Variants in ASB10 observed in about 807,000 individuals in gnomAD.
The protein encoded by ASB10 is ankyrin repeat and SOCS box containing 10.
A neutral mutation model predicts 35.4 loss-of-function variants in ASB10; 44 were observed. That is an observed-to-expected ratio of 1.24 (90% CI 0.98 to 1.60). The LOEUF (loss-of-function observed/expected upper bound fraction) is 1.60, where lower values mean the gene tolerates loss of function less well. ASB10 is among the 40% of genes most tolerant of loss of function. The pLI, the probability that ASB10 is intolerant of heterozygous loss-of-function variation, is 0.00. For synonymous variants in ASB10, 294 were observed against 280.4 expected (o/e 1.05, Z -0.49); for missense variants, 647 against 634.3 (o/e 1.02, Z -0.22).
chr7:151,179,669 G>A (rs1801451168), intron 3 of ASB10, among the ~76,000 whole-genome samples: 1 of 152,222 alleles, frequency 6.6e-6, no homozygotes, highest in South Asian at 2.1e-4. Flanking sequence ...CAGGGCTGCA[G>A]ATCATGGAAA....
intron 2 of ASB10, among the ~76,000 whole-genome samples, chr7:151,185,082 C>G (rs1458285008): frequency 6.6e-6 from 1 of 151,366 alleles, no homozygotes; most frequent in Non-Finnish European, 1.5e-5. Context: ...TATTTTACCA[C>G]CATTTTGAAA....
At chr7:151,187,637 G>T, upstream of ASB10, 1 of 1,537,240 alleles carries the variant, frequency 6.5e-7, no homozygotes, top group African/African-American at 1.4e-5. The surrounding 1 kb of genome is among the most constrained non-coding windows in gnomAD (Gnocchi z 5.3). Context: ...GCGGGAGTGG[G>T]GCCTCCAGAT....
chr7:151,181,136 G>T lies in ASB10; in HGVS notation c.907C>A (p.Arg303Ser). 6.2e-7 allele frequency: 1 copy of T among 1,611,446 alleles called. No homozygotes were observed. The highest frequency in any genetic ancestry group is 1.7e-5 in the Admixed American group (1 of 59,974). Residue 303 changes from arginine to serine, a missense_variant, in exon 3 of 6, where the codon CGC becomes AGC. Arg to Ser is a moderately radical substitution (Grantham distance 110). Transcript: ENST00000420175. ...DKQRPLHLAC[R>S]RGHAAVVELL... ...TCCACGACAGCTGCATGGCCACGGC[G>T]GCAGGCCAGGTGCAGGGGTCGCTGC...
chr7:151,187,086 C>G lies in ASB10; in HGVS notation c.45G>C (p.Glu15Asp), dbSNP rs762597109. Residue 15 changes from glutamate to aspartate, a missense_variant, in exon 1 of 6, where the codon GAG becomes GAC. Glu to Asp is a conservative substitution (Grantham distance 45). Transcript: ENST00000420175. This position sits in a 1 kb window ranked among gnomAD's most constrained non-coding sequence, Gnocchi z 5.3. Reference protein sequence around the residue: ...WSPEECKGQGEPLDDRHPLCA... With the variant: ...WSPEECKGQGDPLDDRHPLCA... ...AGAGGGGGTGTCTGTCATCGAGGGG[C>G]TCTCCCTGCCCCTTGCACTCTTCTG... 1.9e-6 allele frequency: 3 copies of G among 1,604,118 alleles called. No individual in the cohort carries two copies. In the South Asian group the frequency reaches 3.4e-5, roughly 18 times the overall value.
At chr7:151,183,083 G>A (rs902123033) in intron 2 of ASB10, among the ~76,000 whole-genome samples, 4 of 152,192 alleles carry the variant, frequency 2.6e-5, no homozygotes, top group African/African-American at 7.2e-5. Context: ...TGTGGCTATC[G>A]AGTTCTTGAA....
chr7:151,184,583 C>T (rs1255725577), intron 2 of ASB10, among the ~76,000 whole-genome samples: 2 of 151,994 alleles, frequency 1.3e-5, no homozygotes, highest in East Asian at 3.9e-4. Flanking sequence ...TTGCCAGGGG[C>T]TTGGGAGACA....
At chr7:151,178,129 A>C (rs1237528333) in intron 3 of ASB10, among the ~76,000 whole-genome samples, 1 of 152,202 alleles carries the variant, frequency 6.6e-6, no homozygotes, top group Non-Finnish European at 1.5e-5. Context: ...TGCACCTTTA[A>C]TCCCAGCTAT....
upstream of ASB10, chr7:151,187,343 G>T (rs948587586): frequency 2.6e-6 from 4 of 1,527,516 alleles, no homozygotes; most frequent in Non-Finnish European, 3.5e-6. The surrounding 1 kb of genome is among the most constrained non-coding windows in gnomAD (Gnocchi z 5.3). Flanking sequence ...CTTTGAGGTC[G>T]GGGAGAAACA....
In ASB10 at chr7:151,181,465, G is replaced by C. The variant is rs777964216; in HGVS notation, c.585-7C>G. Reference sequence around the variant, plus strand: ...GAGGAGCAGCTCCGCACACCTATTGGGGGGAGACGGTGGTGGGGAGGAAAG... The same window carrying C: ...GAGGAGCAGCTCCGCACACCTATTGCGGGGAGACGGTGGTGGGGAGGAAAG... On this transcript the variant is annotated splice_region_variant and splice_polypyrimidine_tract_variant and intron_variant, in intron 2 of 5. Transcript: ENST00000420175. 3.8e-6 allele frequency: 6 copies of C among 1,571,102 alleles called. No homozygotes were observed. Among genetic ancestry groups the C allele is most frequent in the Admixed American group, 3.5e-5 (2 of 57,770 alleles).
At position 151,187,006 on chromosome 7, in the gene ASB10, C is replaced by A. The variant is rs1379099364; in HGVS notation, c.125G>T (p.Gly42Val). 1.2e-6 allele frequency: 2 copies of A among 1,610,814 alleles called. No individual in the cohort carries two copies. The highest frequency in any genetic ancestry group is 1.7e-6 in the Non-Finnish European group (2 of 1,177,764). The change falls in exon 1 of 6, where the codon GGC becomes GTC. Residue 42 changes from glycine to valine, a missense_variant. By Grantham distance (109) the Gly-to-Val change is moderately radical. Coordinates refer to ENST00000420175, the MANE Select transcript of ASB10 (RefSeq NM_001142459.2). The surrounding 1 kb of genome is among the most constrained non-coding windows in gnomAD (Gnocchi z 5.3). ...TGTGCGGGTGACGATGGGTCCCGGG[C>A]CAGACTTGAGGTGCTCCTCAGACCC... Reference protein sequence around the residue: ...SRGSEEHLKSGPGPIVTRTAS... With the variant: ...SRGSEEHLKSVPGPIVTRTAS...
Position 151,181,391 on chromosome 7 carries a change from G to C in ASB10, c.652C>G (p.Pro218Ala), listed in dbSNP as rs201172978. 1 of 1,612,684 alleles carries C rather than the reference G, an allele frequency of 6.2e-7. No homozygotes were observed. Among genetic ancestry groups the C allele is most frequent in the East Asian group, 2.2e-5 (1 of 44,844 alleles). The change falls in exon 3 of 6, where the codon CCT becomes GCT. Residue 218 changes from proline (P) to alanine (A), a missense_variant. Transcript: ENST00000420175. The part of the protein sequence containing the change: ...DGRSEEEEET[P>A]LHVAARLGHV... ...CCAAGCCGGGCGGCCACATGCAAAG[G>C]GGTCTCCTCTTCTTCCTCGGACCGA...
chr7:151,181,811 A>C (rs1204446281), intron 2 of ASB10, among the ~76,000 whole-genome samples: 3 of 151,892 alleles, frequency 2.0e-5, no homozygotes, highest in Non-Finnish European at 4.4e-5. Context: ...ATGGGGTTTC[A>C]CCATGTTTGC....
At chr7:151,187,625 G>C (rs1454623326), upstream of ASB10, 1 of 1,539,638 alleles carries the variant, frequency 6.5e-7, no homozygotes, top group South Asian at 1.2e-5. The surrounding 1 kb of genome is among the most constrained non-coding windows in gnomAD (Gnocchi z 5.3). Flanking sequence ...CTCCCAGGCT[G>C]GGCGGGAGTG....
chr7:151,179,445 C>T (rs1801448237), intron 3 of ASB10, among the ~76,000 whole-genome samples: 1 of 152,234 alleles, frequency 6.6e-6, no homozygotes, highest in Non-Finnish European at 1.5e-5. Flanking sequence ...CCAGTGCTCT[C>T]CTACAGCTTT....
chr7:151,183,630 G>A (rs1346256582), intron 2 of ASB10, among the ~76,000 whole-genome samples: 1 of 152,168 alleles, frequency 6.6e-6, no homozygotes, highest in Non-Finnish European at 1.5e-5. Context: ...CTTTCGCCCA[G>A]GCTGGAGTGC....
rs104886489 is a variant in ASB10 at position 151,186,907 on chromosome 7, G to T, written c.224C>A (p.Ala75Glu). Residue 75 changes from alanine to glutamate, a missense_variant, in exon 1 of 6, where the codon GCG becomes GAG. Coordinates refer to ENST00000420175, the MANE Select transcript of ASB10 (RefSeq NM_001142459.2). ...GDVGCVSRIL[A>E]DSSTGLAPDS... ...AGGAGCCAGGCCAGTACTGGAGTCC[G>T]CGAGGATGCGGGAGACACAGCCCAC... 1,890 of 1,614,034 alleles carry T rather than the reference G, an allele frequency of 1.2e-3. 20 individuals carry two copies. The African/African-American group carries it at 0.021, about 18-fold the overall frequency.
rs151344622 is a variant in ASB10 at position 151,186,906 on chromosome 7, C to T, written c.225G>A (p.Ala75=). 2.9e-5 allele frequency: 46 copies of T among 1,613,888 alleles called. No homozygotes were observed. The highest frequency in any genetic ancestry group is 5.0e-5 in the Admixed American group (3 of 60,002). ...CAGGAGCCAGGCCAGTACTGGAGTC[C>T]GCGAGGATGCGGGAGACACAGCCCA... ...GDVGCVSRIL[A]DSSTGLAPDS... The change falls in exon 1 of 6, where the codon GCG becomes GCA. Residue 75 remains alanine (A), a synonymous_variant. Coordinates refer to ENST00000420175, the MANE Select transcript of ASB10 (RefSeq NM_001142459.2).
At chr7:151,185,655 C>T (rs1208230587) in intron 2 of ASB10, among the ~76,000 whole-genome samples, 2 of 152,164 alleles carry the variant, frequency 1.3e-5, no homozygotes, top group Admixed American at 6.5e-5. Flanking sequence ...TGCAGGTGTG[C>T]AGTCAGTAGA....
At position 151,187,143 on chromosome 7, in the gene ASB10, A is replaced by G. The variant is rs758572586; in HGVS notation, c.-13T>C. ...AACTCATGAGCATGTGGGCAGGGAA[A>G]GGGGAGTGGGGAGGAGGAGAGGTAT... On this transcript the variant is annotated 5_prime_UTR_variant, in exon 1 of 6. Coordinates refer to ENST00000420175, the MANE Select transcript of ASB10 (RefSeq NM_001142459.2). The surrounding 1 kb of genome is among the most constrained non-coding windows in gnomAD (Gnocchi z 5.3). 54 of 1,573,072 alleles carry G rather than the reference A, an allele frequency of 3.4e-5. No homozygotes were observed. The highest frequency in any genetic ancestry group is 4.5e-5 in the Non-Finnish European group (52 of 1,158,748).
Sources: allele counts gnomAD v4.1 joint callset (sites outside exome capture counted in the v4.1 genomes callset), GRCh38; gene constraint gnomAD v4.1.1; non-coding constraint Gnocchi (gnomAD v3.1); transcripts MANE v1.5; gene names NCBI Gene and HGNC (gene_info 2026-07-23, HGNC 2026-07-21).